Variants in ABTB3 observed in about 807,000 individuals in gnomAD.
ABTB3 encodes the protein ankyrin repeat and BTB domain containing 3, also known as ankyrin repeat- and BTB/POZ domain-containing protein 3.
At chr12:107,452,610 G>T in the ABTB3 span, among the ~76,000 whole-genome samples, 4 of 152,074 alleles carry the variant, frequency 2.6e-5, no homozygotes, top group Non-Finnish European at 4.4e-5. Context: ...CGGGCCAAGG[G>T]GGGTGGATCA....
At chr12:107,433,110 C>T in the ABTB3 span, among the ~76,000 whole-genome samples, 3 of 151,194 alleles carry the variant, frequency 2.0e-5, no homozygotes, top group South Asian at 6.3e-4. Flanking sequence ...AAGGTGAAAC[C>T]CCGTCTCTAC....
the ABTB3 span, among the ~76,000 whole-genome samples, chr12:107,546,143 T>A: frequency 2.0e-5 from 3 of 152,244 alleles, no homozygotes; most frequent in African/African-American, 4.8e-5. Flanking sequence ...TAAAGCTTCA[T>A]GAAGGCAGAG....
At chr12:107,440,631 G>A in the ABTB3 span, among the ~76,000 whole-genome samples, 35 of 152,236 alleles carry the variant, frequency 2.3e-4, no homozygotes, top group African/African-American at 7.7e-4. Context: ...ACCTGGAACC[G>A]AGCCTGTGAT....
chr12:107,584,367 G>C, the ABTB3 span, among the ~76,000 whole-genome samples: 160 of 152,328 alleles, frequency 1.1e-3, no homozygotes, highest in African/African-American at 3.5e-3. Flanking sequence ...GCCCATTGAG[G>C]TTATGGGACT....
At chr12:107,357,527 C>A in the ABTB3 span, among the ~76,000 whole-genome samples, 1 of 152,130 alleles carries the variant, frequency 6.6e-6, no homozygotes, top group Non-Finnish European at 1.5e-5. Context: ...GGGAGGATTG[C>A]TTGAGCTTCA....
At chr12:107,331,361 A>G in the ABTB3 span, among the ~76,000 whole-genome samples, 2 of 152,102 alleles carry the variant, frequency 1.3e-5, no homozygotes, top group African/African-American at 2.4e-5. Context: ...ACAGATAGTC[A>G]CACAGATGTC....
At chr12:107,320,120 A>G in the ABTB3 span, 1 of 1,374,096 alleles carries the variant, frequency 7.3e-7, no homozygotes, top group African/African-American at 1.5e-5. Flanking sequence ...TAACCTGGCC[A>G]ACTCTTGGCG....
chr12:107,337,731 A>G, the ABTB3 span, among the ~76,000 whole-genome samples: 3 of 152,354 alleles, frequency 2.0e-5, no homozygotes, highest in Admixed American at 6.5e-5. Context: ...TGACACGTTG[A>G]AAGTTCCTTC....
At chr12:107,340,847 T>C in the ABTB3 span, among the ~76,000 whole-genome samples, 5 of 152,268 alleles carry the variant, frequency 3.3e-5, no homozygotes, top group South Asian at 1.0e-3. Context: ...TTTCGAAAAT[T>C]TGCCAAATGC....
chr12:107,581,317 G>A, the ABTB3 span: 4 of 1,324,524 alleles, frequency 3.0e-6, no homozygotes, highest in Non-Finnish European at 3.8e-6. Flanking sequence ...AGGCGCGGGG[G>A]CGGGCGGGGG....
At chr12:107,431,987 A>G in the ABTB3 span, among the ~76,000 whole-genome samples, 10 of 152,208 alleles carry the variant, frequency 6.6e-5, no homozygotes, top group Non-Finnish European at 1.3e-4. Context: ...GGAGGGTGTT[A>G]AGTAAAAATG....
the ABTB3 span, chr12:107,640,208 C>G: frequency 1.4e-5 from 9 of 621,482 alleles, no homozygotes; most frequent in Admixed American, 2.9e-4. Flanking sequence ...TATTTTATCA[C>G]CAAGATTTCC....
chr12:107,562,344 G>A, the ABTB3 span, among the ~76,000 whole-genome samples: 1 of 152,240 alleles, frequency 6.6e-6, no homozygotes, highest in African/African-American at 2.4e-5. Context: ...AGGTAGAGTG[G>A]TCAGAGAAGT....
the ABTB3 span, among the ~76,000 whole-genome samples, chr12:107,606,474 G>A: frequency 6.6e-6 from 1 of 152,198 alleles, no homozygotes; most frequent in East Asian, 1.9e-4. Context: ...GTGAACACAG[G>A]GTCTGTGTCT....
At chr12:107,482,914 T>TTTCTCTCTTTCTC in the ABTB3 span, among the ~76,000 whole-genome samples, 21 of 43,208 alleles carry the variant, frequency 4.9e-4, 1 homozygote, top group African/African-American at 2.8e-3. Context: ...CTCTTTCTTC[T>TTTCTCTCTTTCTC]TCTTTCTTTC....
At chr12:107,328,017 G>A in the ABTB3 span, among the ~76,000 whole-genome samples, 4 of 152,096 alleles carry the variant, frequency 2.6e-5, no homozygotes, top group Admixed American at 6.6e-5. Flanking sequence ...AATTCCTTCC[G>A]CATTCCAATG....
the ABTB3 span, among the ~76,000 whole-genome samples, chr12:107,496,781 CGGAGA>C: frequency 5.9e-5 from 9 of 152,248 alleles, no homozygotes; most frequent in African/African-American, 2.2e-4. Context: ...AACTGAGGCA[CGGAGA>C]GGTTCATTAA....
the ABTB3 span, chr12:107,640,245 C>A: frequency 2.1e-6 from 2 of 946,830 alleles, no homozygotes; most frequent in Non-Finnish European, 3.2e-6. Flanking sequence ...GCACTTTCTA[C>A]AAGATAAATC....
At chr12:107,404,035 C>A in the ABTB3 span, among the ~76,000 whole-genome samples, 3 of 151,648 alleles carry the variant, frequency 2.0e-5, no homozygotes, top group African/African-American at 7.3e-5. Context: ...TAGTGGCAGG[C>A]CCCTGTGACC....
Sources: gnomAD v4.1 joint callset for allele counts (sites outside exome capture counted in the v4.1 genomes callset) on GRCh38, gnomAD v4.1.1 for gene constraint, MANE v1.5 for transcripts, NCBI Gene and HGNC (gene_info 2026-07-23, HGNC 2026-07-21) for gene names.